The following CCDC57 variants were observed in gnomAD, a reference collection of about 807,000 sequenced individuals.
CCDC57 encodes coiled-coil domain-containing protein 57.
In CCDC57, 118 loss-of-function variants were observed where a neutral mutation model predicts 118.9. The observed-to-expected ratio is 0.99, with a 90% CI of 0.86 to 1.16. CCDC57 has a LOEUF of 1.16. Ranked by LOEUF, CCDC57 falls within the 50% of genes most tolerant of loss-of-function variation. The pLI, the probability that CCDC57 is intolerant of heterozygous loss-of-function variation, is 0.00. For synonymous variants in CCDC57, 527 were observed against 532.9 expected (o/e 0.99, Z 0.15); for missense variants, 1,300 against 1,320.7 (o/e 0.98, Z 0.24).
At chr17:82,169,871 C>A (rs985841296) in intron 13 of CCDC57, among the ~76,000 whole-genome samples, 2 of 152,178 alleles carry the variant, frequency 1.3e-5, no homozygotes, top group Non-Finnish European at 2.9e-5. Flanking sequence ...TAAGACCTTC[C>A]ATTCACCAAA....
At chr17:82,149,558 C>G (rs1292139261) in intron 16 of CCDC57, among the ~76,000 whole-genome samples, 1 of 152,148 alleles carries the variant, frequency 6.6e-6, no homozygotes, top group African/African-American at 2.4e-5. Context: ...GTGTTGTTCT[C>G]ACAAATGCTG....
chr17:82,184,053 A>ACACACACACACC, intron 8 of CCDC57, 121 bp from the exon 8 acceptor site: 1 of 565,174 alleles, frequency 1.8e-6, no homozygotes, highest in Non-Finnish European at 3.1e-6. Context: ...ACACACACAC[A>ACACACACACACC]CACACACACA....
intron 16 of CCDC57, among the ~76,000 whole-genome samples, chr17:82,135,976 C>T (rs961402283): frequency 2.0e-5 from 3 of 152,000 alleles, no homozygotes; most frequent in African/African-American, 7.3e-5. Context: ...TTAAAAAAAA[C>T]CCCGACAGAA....
At chr17:82,120,360 C>T (rs34287733) in intron 19 of CCDC57, among the ~76,000 whole-genome samples, 81,357 of 151,754 alleles carry the variant, frequency 0.54, 22,644 homozygotes, top group Non-Finnish European at 0.58. Flanking sequence ...GCATGGAACA[C>T]GTTTAAAAAA....
In CCDC57 at chr17:82,171,683, A is replaced by C. The variant is rs770216019; in HGVS notation, c.1882+18T>G. The C allele has an allele frequency of 1.2e-6, 2 of 1,604,290 alleles. No individual in the cohort carries two copies. The highest frequency in any genetic ancestry group is 8.5e-7 in the Non-Finnish European group (1 of 1,171,816). On this transcript the variant is annotated intron_variant, in intron 13 of 19. Coordinates refer to ENST00000665763, the Ensembl canonical transcript of CCDC57. ...TTTATAAGGGGACAGCAAGTACCCC[A>C]CTGAGACGCGGACTTACCAGTCGTC... is the stretch of plus-strand genomic sequence containing the variant.
chr17:82,107,809 C>G (rs1228831117), intron 19 of CCDC57, among the ~76,000 whole-genome samples: 1 of 152,208 alleles, frequency 6.6e-6, no homozygotes. Context: ...GCCGCCGGCC[C>G]TCCTGCCTCA....
intron 1 of CCDC57, among the ~76,000 whole-genome samples, chr17:82,209,110 G>T (rs1471802568): frequency 6.6e-6 from 1 of 152,080 alleles, no homozygotes; most frequent in Non-Finnish European, 1.5e-5. Context: ...TCCACTGACT[G>T]CCGAAGAGTA....
At chr17:82,189,161 G>T (rs547394148) in intron 7 of CCDC57, among the ~76,000 whole-genome samples, 76 of 152,134 alleles carry the variant, frequency 5.0e-4, no homozygotes, top group African/African-American at 1.7e-3. Context: ...CCATTTACTC[G>T]GGAGGCTGAG....
At chr17:82,101,803 G>A (rs2034468393) in exon 20 of CCDC57, 1 of 1,603,714 alleles carries the variant, frequency 6.2e-7, no homozygotes. Context: ...CTTCATCCCT[G>A]GGGTGGCAAT....
Position 82,172,857 on chromosome 17 carries a change from G to T in CCDC57, c.1510C>A (p.Leu504Ile). ...ATTTCTTCTTCATGCTGCCTGAGAA[G>T]CATCTGTCAAATACAAGGAAAAATG... The change falls in exon 12 of 20, where the codon CTT becomes ATT. Residue 504 changes from leucine to isoleucine, a missense_variant. Physicochemically the swap from Leu to Ile is conservative, Grantham distance 5. Transcript: ENST00000665763. The surrounding 1 kb of genome is among the most constrained non-coding windows in gnomAD (Gnocchi z 5.2). 2 of 1,609,784 alleles carry T rather than the reference G, an allele frequency of 1.2e-6. No homozygotes were observed. The highest frequency in any genetic ancestry group is 1.7e-6 in the Non-Finnish European group (2 of 1,178,100).
chr17:82,193,630 G>A (rs532404533), intron 7 of CCDC57, 126 bp downstream of exon 6: 14 of 695,774 alleles, frequency 2.0e-5, no homozygotes, highest in African/African-American at 1.6e-4. Context: ...CCAAAACAGC[G>A]GGCTCCCAGG....
rs2042608425 is a variant in CCDC57, at chr17:82,155,839, C to T, written c.2241+1909G>A. 2 of 152,282 alleles carry T rather than the reference C, an allele frequency of 1.3e-5. 1 individual carries two copies. The highest frequency in any genetic ancestry group is 2.9e-5 in the Non-Finnish European group (2 of 68,100). The allele number at this position is 152,282 out of a possible 1,614,324, so 9.4% of individuals were successfully genotyped here. On this transcript the variant is annotated intron_variant, in intron 15 of 19. Coordinates refer to ENST00000665763, the Ensembl canonical transcript of CCDC57. ...GCCTCGCCTGGGTGGAGAGCCCGGC[C>T]ACAGGATGCTCAGACCCAGGAGGAG...
At chr17:82,186,964 G>C (rs1267419971) in intron 8 of CCDC57, among the ~76,000 whole-genome samples, 4 of 151,246 alleles carry the variant, frequency 2.6e-5, no homozygotes, top group Admixed American at 2.6e-4. Flanking sequence ...AGAGGCCGGG[G>C]GCGGTGGCTC....
intron 19 of CCDC57, among the ~76,000 whole-genome samples, chr17:82,108,351 C>T (rs866095083): frequency 2.6e-5 from 4 of 152,186 alleles, no homozygotes; most frequent in South Asian, 4.1e-4. Context: ...TCTTGCTCCT[C>T]GAAGGAGTCC....
In CCDC57 at chr17:82,109,306, G is replaced by A. The variant is rs149548013; in HGVS notation, c.2900-7440C>T. ...GAGCGCATGCCTGCGAGGGGCCTAC[G>A]AGGCGGCTGCGAGGCATAAGGTTCT... On this transcript the variant is annotated intron_variant, in intron 19 of 19. Coordinates refer to ENST00000665763, the Ensembl canonical transcript of CCDC57. Among the ~76,000 whole-genome samples, 350 of 152,374 alleles carry A rather than the reference G, an allele frequency of 2.3e-3. 6 individuals are homozygous for A. In the East Asian group the frequency reaches 0.05, roughly 22 times the overall value.
At chr17:82,170,590 G>A (rs1260867454) in intron 13 of CCDC57, among the ~76,000 whole-genome samples, 1 of 151,526 alleles carries the variant, frequency 6.6e-6, no homozygotes, top group Non-Finnish European at 1.5e-5. Flanking sequence ...CAGGGGGAGA[G>A]TCCACATGAG....
chr17:82,187,857 T>C (rs796947121), intron 8 of CCDC57, among the ~76,000 whole-genome samples: 28 of 149,048 alleles, frequency 1.9e-4, no homozygotes, highest in African/African-American at 5.4e-4. Flanking sequence ...TGGTGTGTAA[T>C]GGGAAGATGG....
chr17:82,211,751 G>C (rs2050192995), intron 1 of CCDC57, among the ~76,000 whole-genome samples: 1 of 152,006 alleles, frequency 6.6e-6, no homozygotes, highest in African/African-American at 2.4e-5. Flanking sequence ...CGTCCCTTAA[G>C]GACATAACTG....
chr17:82,138,649 A>ATGGCCTGCCCCGGGTCGGAAGAGACACG (rs2039597165), intron 16 of CCDC57, among the ~76,000 whole-genome samples: 1 of 134,958 alleles, frequency 7.4e-6, no homozygotes, highest in Non-Finnish European at 1.6e-5. Flanking sequence ...GAAGAGACGC[A>ATGGCCTGCCCCGGGTCGGAAGAGACACG]TGGCCTGCCC....
Sources: gnomAD v4.1 joint callset for allele counts (sites outside exome capture counted in the v4.1 genomes callset) on GRCh38, gnomAD v4.1.1 for gene constraint, Gnocchi (gnomAD v3.1) non-coding constraint, MANE v1.5 for transcripts, NCBI Gene and HGNC (gene_info 2026-07-23, HGNC 2026-07-21) for gene names.